PTAR1: variants seen among roughly 807,000 people sequenced by gnomAD.
The protein encoded by PTAR1 is protein prenyltransferase alpha subunit repeat-containing protein 1.
Under a neutral mutation model 45.5 loss-of-function variants are expected in PTAR1, and 17 were observed. That is an observed-to-expected ratio of 0.37 (90% CI 0.26 to 0.56). PTAR1 has a LOEUF of 0.56. Among genes scored for constraint, PTAR1 ranks in the 20% least tolerant of loss-of-function variants. The probability of loss-of-function intolerance (pLI) is 0.77; values close to 1 mark genes in which losing one functional copy is unlikely to be tolerated. For missense variants in PTAR1, 391 were observed against 476.3 expected (o/e 0.82, Z 1.67); for synonymous variants, 169 against 171.3 (o/e 0.99, Z 0.11).
At position 69,717,504 on chromosome 9, in the gene PTAR1, T is replaced by C. The variant is rs148629007; in HGVS notation, c.*838A>G. 2 of 152,332 alleles carry C rather than the reference T, an allele frequency of 1.3e-5. No individual in the cohort carries two copies. Among genetic ancestry groups the C allele is most frequent in the African/African-American group, 4.8e-5 (2 of 41,584 alleles). The allele number at this position is 152,332 out of a possible 1,614,324, so 9.4% of individuals were successfully genotyped here. On this transcript the variant is annotated 3_prime_UTR_variant, in exon 8 of 8. Transcript: ENST00000340434. ...AAGTTAGTTTTTTCTTAAATAACCA[T>C]TTAAAAAATGGATTACATTGGAAGC...
chr9:69,757,815 A>G (rs1253453019), intron 1 of PTAR1: 1 of 152,068 alleles, frequency 6.6e-6, no homozygotes, highest in African/African-American at 2.4e-5. Context: ...AAATTAAGGG[A>G]AGAAAGCGCA....
intron 3 of PTAR1, 190 bp downstream of exon 3, chr9:69,741,600 GAA>G: frequency 1.8e-6 from 1 of 552,314 alleles, no homozygotes; most frequent in Non-Finnish European, 3.3e-6. Flanking sequence ...TTTCAGGCAA[GAA>G]AGTTTATGAA....
Position 69,722,939 on chromosome 9 carries a change from C to CAAAA in PTAR1, c.947+383_947+386dup, listed in dbSNP as rs35037746. On this transcript the variant is annotated intron_variant, in intron 6 of 7. Transcript: ENST00000340434. ...GGGCAAGAAGAGCAAAACTCTATCT[C>CAAAA]AAAAAAAAAAAAAAAAAAAGAGAGA... Among the ~76,000 whole-genome samples, 114 of 99,564 alleles carry CAAAA rather than the reference C, an allele frequency of 1.1e-3. 1 individual carries two copies. Among genetic ancestry groups the CAAAA allele is most frequent in the African/African-American group, 2.3e-3 (62 of 26,522 alleles). 65.3% of individuals were successfully genotyped at this position (99,564 alleles called of 152,430 possible).
In PTAR1 at chr9:69,718,368, T is replaced by C. The variant is rs760338614; in HGVS notation, c.1183A>G (p.Lys395Glu). ...CATTGACTCAAAGTAACCAGCCATT[T>C]CCTGTATGCACTGGCAAACCTGGCT... ...EQARFASAYR[K>E]WLVTLSQ Residue 395 changes from lysine (K) to glutamate (E), a missense_variant, in exon 8 of 8, where the codon AAA becomes GAA. By Grantham distance (56) the Lys-to-Glu change is moderately conservative. Transcript: ENST00000340434. 6.2e-7 allele frequency: 1 copy of C among 1,609,346 alleles called. No homozygotes were observed. Among genetic ancestry groups the C allele is most frequent in the South Asian group, 1.1e-5 (1 of 90,798 alleles).
intron 2 of PTAR1, among the ~76,000 whole-genome samples, chr9:69,745,513 G>C (rs1826237147): frequency 6.6e-6 from 1 of 152,190 alleles, no homozygotes; most frequent in Non-Finnish European, 1.5e-5. Flanking sequence ...TCCTCCATGA[G>C]AGACTTCTGT....
In PTAR1 at chr9:69,714,079, T is replaced by C. The variant is rs1003039882; in HGVS notation, c.*4263A>G. ...CAATAAGGAATTCTTAGGGTTGATT[T>C]TTCTTCATTAACTTCTCAGTGCCTC... On this transcript the variant is annotated 3_prime_UTR_variant, in exon 8 of 8. Transcript: ENST00000340434. The C allele has an allele frequency of 1.3e-5, 2 of 152,108 alleles. No homozygotes were observed. The highest frequency in any genetic ancestry group is 4.8e-5 in the African/African-American group (2 of 41,440). 9.4% of individuals were successfully genotyped at this position (152,108 alleles called of 1,614,324 possible).
At chr9:69,735,936 TTA>T (rs147969476) in intron 3 of PTAR1, among the ~76,000 whole-genome samples, 1 of 148,642 alleles carries the variant, frequency 6.7e-6, no homozygotes, top group African/African-American at 2.5e-5. Context: ...CAATTTGTCA[TTA>T]TATATATATA....
intron 2 of PTAR1, among the ~76,000 whole-genome samples, chr9:69,750,301 C>A (rs568643496): frequency 7.2e-5 from 11 of 151,992 alleles, no homozygotes; most frequent in Non-Finnish European, 1.3e-4. Context: ...AGTGGAATGG[C>A]ACATCCATAA....
chr9:69,742,836 T>A (rs1826102014), intron 2 of PTAR1, among the ~76,000 whole-genome samples: 1 of 152,134 alleles, frequency 6.6e-6, no homozygotes, highest in Admixed American at 6.5e-5. Context: ...ATATAGTTCA[T>A]CTTATGAACC....
Position 69,714,331 on chromosome 9 carries a change from T to TAAAA in PTAR1, c.*4010_*4011insTTTT, listed in dbSNP as rs1824642844. ...TAATAGTTAGCTTAAAACAGCTTTT[T>TAAAA]AGAAAAAAAAAATCATGTTACTTCC... On this transcript the variant is annotated 3_prime_UTR_variant, in exon 8 of 8. Coordinates refer to ENST00000340434, the MANE Select transcript of PTAR1 (RefSeq NM_001099666.2). 22 of 39,288 alleles carry TAAAA rather than the reference T, an allele frequency of 5.6e-4. No individual in the cohort carries two copies. The highest frequency in any genetic ancestry group is 1.8e-3 in the African/African-American group (22 of 12,348). The allele number at this position is 39,288 out of a possible 1,614,324, so 2.4% of individuals were successfully genotyped here. A position where few individuals can be genotyped will look rare whatever the true frequency, so the allele number is the denominator to read the frequency against.
rs75636399 is a variant in PTAR1 at position 69,730,670 on chromosome 9, G to A, written c.642+1469C>T. 8.9e-3 allele frequency among the ~76,000 whole-genome samples: 1,334 copies of A among 149,600 alleles called. 18 individuals carry two copies. Among genetic ancestry groups the A allele is most frequent in the African/African-American group, 0.03 (1,205 of 40,484 alleles). On this transcript the variant is annotated intron_variant, in intron 5 of 7. Coordinates refer to ENST00000340434, the MANE Select transcript of PTAR1 (RefSeq NM_001099666.2). ...TTTTTCTGTGCTCCCATTGTATTCT[G>A]ATGCTTTGTAATTGTTGGTCTACTT...
chr9:69,731,634 G>C (rs184259762), intron 5 of PTAR1, among the ~76,000 whole-genome samples: 45 of 152,240 alleles, frequency 3.0e-4, no homozygotes, highest in Middle Eastern at 3.4e-3. Flanking sequence ...CCCTCATTCT[G>C]CTTTAGTAGG....
intron 3 of PTAR1, among the ~76,000 whole-genome samples, chr9:69,734,787 ATTTTCCCTTCTAC>A (rs1176827683): frequency 1.2e-4 from 18 of 152,098 alleles, no homozygotes; most frequent in Admixed American, 1.2e-3. Context: ...TTATTTTTGA[ATTTTCCCTTCTAC>A]TTTTCCCTAT....
chr9:69,752,298 G>A (rs903940184), intron 1 of PTAR1, among the ~76,000 whole-genome samples: 1 of 151,896 alleles, frequency 6.6e-6, no homozygotes, highest in Non-Finnish European at 1.5e-5. Context: ...CTTTTTGTTG[G>A]GCCACTATCA....
At chr9:69,726,433 T>C (rs923513523) in intron 5 of PTAR1, among the ~76,000 whole-genome samples, 7 of 152,124 alleles carry the variant, frequency 4.6e-5, no homozygotes, top group African/African-American at 1.7e-4. Context: ...TACTCTTGTA[T>C]AAGTAACACT....
In PTAR1 at chr9:69,723,554, C is replaced by A. The variant is rs1369457011; in HGVS notation, c.719G>T (p.Arg240Leu). 1.9e-6 allele frequency: 3 copies of A among 1,613,716 alleles called. No individual in the cohort carries two copies. The highest frequency in any genetic ancestry group is 2.5e-6 in the Non-Finnish European group (3 of 1,179,698). ...AATCAAAGACTTAAGCAAAAACTGGCGGTAGTGAAATCCACTGTGGTCTGA... is the reference window on the plus strand; with the variant it reads ...AATCAAAGACTTAAGCAAAAACTGGAGGTAGTGAAATCCACTGTGGTCTGA... ...HVSDHSGFHY[R>L]QFLLKSLISQ... The change falls in exon 6 of 8, where the codon CGC becomes CTC. Residue 240 changes from arginine to leucine, a missense_variant. This residue lies in a region of PTAR1 where 181 missense variants were observed against 227.7 expected (regional missense o/e 0.80). Coordinates refer to ENST00000340434, the MANE Select transcript of PTAR1 (RefSeq NM_001099666.2).
At chr9:69,724,613 AC>A (rs1243431128) in intron 5 of PTAR1, among the ~76,000 whole-genome samples, 2 of 151,466 alleles carry the variant, frequency 1.3e-5, no homozygotes, top group Non-Finnish European at 2.9e-5. Context: ...CATTTCTTAC[AC>A]CATTTTTCTT....
chr9:69,742,469 C>T (rs1826084982), intron 2 of PTAR1, among the ~76,000 whole-genome samples: 1 of 152,014 alleles, frequency 6.6e-6, no homozygotes, highest in African/African-American at 2.4e-5. Flanking sequence ...GTCCTATATA[C>T]CATCAATTAC....
chr9:69,716,052 A>G lies in PTAR1; in HGVS notation c.*2290T>C, dbSNP rs1476291940. 6.6e-6 allele frequency: 1 copy of G among 152,182 alleles called. No homozygotes were observed. The highest frequency in any genetic ancestry group is 2.4e-5 in the African/African-American group (1 of 41,452). The allele number at this position is 152,182 out of a possible 1,614,324, so 9.4% of individuals were successfully genotyped here. On this transcript the variant is annotated 3_prime_UTR_variant, in exon 8 of 8. Coordinates refer to ENST00000340434, the MANE Select transcript of PTAR1 (RefSeq NM_001099666.2). ...AAGGTACACAAAGGCATGGAGCACT[A>G]TAAAACTTAGCTAGTGTTTTATAGG...
Sources: gnomAD v4.1 joint callset for allele counts (sites outside exome capture counted in the v4.1 genomes callset) on GRCh38, gnomAD v4.1.1 for gene constraint, gnomAD v4.1.1 regional missense constraint, MANE v1.5 for transcripts, NCBI Gene and HGNC (gene_info 2026-07-23, HGNC 2026-07-21) for gene names.